ZNF726: variants seen among roughly 807,000 people sequenced by gnomAD.
ZNF726 encodes the protein zinc finger protein 92 pseudogene 3.
A neutral mutation model predicts 11.6 loss-of-function variants in ZNF726; 15 were observed. The observed-to-expected ratio is 1.29, with a 90% CI of 0.86 to 1.99. ZNF726 has a LOEUF of 1.99. Among genes scored for constraint, ZNF726 ranks in the 30% most tolerant of loss-of-function variants. ZNF726 has a pLI of 0.00. For synonymous variants in ZNF726, 295 were observed against 243.6 expected (o/e 1.21, Z -1.96); for missense variants, 890 against 725.6 (o/e 1.23, Z -2.60).
chr19:23,939,068 T>C (rs1228361617), downstream of ZNF726, among the ~76,000 whole-genome samples: 1 of 152,082 alleles, frequency 6.6e-6, no homozygotes, highest in African/African-American at 2.4e-5. Flanking sequence ...GATGGACCCA[T>C]CACCTGAGCA....
rs1050635984 is a variant in ZNF726 at position 23,933,895 on chromosome 19, C to T, written c.1779C>T (p.Tyr593=). 6.3e-7 allele frequency: 1 copy of T among 1,589,718 alleles called. No homozygotes were observed. Among genetic ancestry groups the T allele is most frequent in the Non-Finnish European group, 8.6e-7 (1 of 1,167,906 alleles). ...HKIIHTGEKP[Y]KCDECGKSFI... is the part of the protein sequence containing the mutation. Reference sequence around the variant, plus strand: ...TAATTCATACTGGAGAGAAACCTTACAAGTGTGACGAATGTGGCAAATCAT... The same window carrying T: ...TAATTCATACTGGAGAGAAACCTTATAAGTGTGACGAATGTGGCAAATCAT... Residue 593 remains tyrosine, a synonymous_variant, in exon 4 of 4, where the codon TAC becomes TAT. Transcript: ENST00000594466.
At chr19:23,936,473 G>A (rs1266231204), downstream of ZNF726, among the ~76,000 whole-genome samples, 1 of 148,766 alleles carries the variant, frequency 6.7e-6, no homozygotes, top group Non-Finnish European at 1.5e-5. Flanking sequence ...CATCATTCCT[G>A]GTGTATTCAC....
Position 23,930,890 on chromosome 19 carries a change from A to G in ZNF726, c.227-1453A>G, listed in dbSNP as rs75100430. Among the ~76,000 whole-genome samples the G allele has an allele frequency of 3.8e-3, 577 of 152,346 alleles. 3 individuals are homozygous for G. The highest frequency in any genetic ancestry group is 6.6e-3 in the Non-Finnish European group (449 of 68,026). ...TTCAGTTTAGTCATATTGTCTTGAC[A>G]TTGTAATGCAACATATTGCTAAAAT... On this transcript the variant is annotated intron_variant, in intron 3 of 3. Transcript: ENST00000594466.
intron 3 of ZNF726, among the ~76,000 whole-genome samples, chr19:23,929,870 A>G (rs1434992499): frequency 1.3e-5 from 2 of 152,216 alleles, no homozygotes; most frequent in African/African-American, 2.4e-5. Flanking sequence ...AAAAATTTCT[A>G]TATTTGTATA....
chr19:23,918,719 G>A (rs1315538028), intron 1 of ZNF726, among the ~76,000 whole-genome samples: 1 of 146,856 alleles, frequency 6.8e-6, no homozygotes, highest in East Asian at 2.0e-4. Flanking sequence ...ACACTTAAAT[G>A]GCAGCTGCCT....
Position 23,917,877 on chromosome 19 carries a change from C to T in ZNF726, c.4-1496C>T, listed in dbSNP as rs866579865. Among the ~76,000 whole-genome samples, 4 of 152,240 alleles carry T rather than the reference C, an allele frequency of 2.6e-5. No individual in the cohort carries two copies. The Middle Eastern group carries it at 0.01, about 388-fold the overall frequency. ...ACTAACATGGAAATTAAAGCTTAAG[C>T]TGCAGGAGGGTGCCCCTTGTAGGTT... On this transcript the variant is annotated intron_variant, in intron 1 of 3. Coordinates refer to ENST00000594466, the MANE Select transcript of ZNF726 (RefSeq NM_001244038.2).
chr19:23,941,320 G>A (rs1050340502), intron 3 of ZNF726, among the ~76,000 whole-genome samples: 1 of 152,142 alleles, frequency 6.6e-6, no homozygotes, highest in African/African-American at 2.4e-5. Context: ...TGCATCCCTG[G>A]TATGCAACCC....
chr19:23,919,312 C>G, intron 1 of ZNF726, 61 bp from the exon 2 acceptor site: 1 of 1,579,650 alleles, frequency 6.3e-7, no homozygotes, highest in Non-Finnish European at 8.6e-7. Flanking sequence ...TACCTTGAGT[C>G]AAATGAAAAA....
intron 1 of ZNF726, among the ~76,000 whole-genome samples, chr19:23,918,413 TA>T (rs1031487777): frequency 6.6e-6 from 1 of 152,136 alleles, no homozygotes; most frequent in Admixed American, 6.5e-5. Flanking sequence ...ATTAGGGTGC[TA>T]AAAAAAGGCC....
Position 23,933,710 on chromosome 19 carries a change from A to G in ZNF726, c.1594A>G (p.Thr532Ala), listed in dbSNP as rs748068559. 1 of 1,612,442 alleles carries G rather than the reference A, an allele frequency of 6.2e-7. No individual in the cohort carries two copies. The highest frequency in any genetic ancestry group is 1.3e-5 in the African/African-American group (1 of 74,914). ...CCTATCTAAACATAAGAGGATTCAC[A>G]CTGGAGAGAAACCCTACAAATGTGA... ...STLSKHKRIH[T>A]GEKPYKCEEC... is the part of the protein sequence containing the mutation. Residue 532 changes from threonine to alanine, a missense_variant, in exon 4 of 4, where the codon ACT becomes GCT. Physicochemically the swap from Thr to Ala is moderately conservative, Grantham distance 58. Coordinates refer to ENST00000594466, the MANE Select transcript of ZNF726 (RefSeq NM_001244038.2).
At chr19:23,944,432 CAT>C (rs1968386701) in intron 4 of ZNF726, 1 of 152,252 alleles carries the variant, frequency 6.6e-6, no homozygotes, top group South Asian at 2.1e-4. Context: ...GCATTTTTGT[CAT>C]ATGTGTGTTG....
At chr19:23,929,279 T>G (rs1458414303) in intron 3 of ZNF726, 1 of 152,210 alleles carries the variant, frequency 6.6e-6, no homozygotes, top group Admixed American at 6.5e-5. Flanking sequence ...AATATTATCT[T>G]CATAATCATC....
At chr19:23,944,207 T>A (rs147759475) in intron 4 of ZNF726, 10 of 152,330 alleles carry the variant, frequency 6.6e-5, no homozygotes, top group Admixed American at 2.6e-4. Context: ...ACCATTTTTC[T>A]GTTGGGTTTT....
intron 3 of ZNF726, chr19:23,920,833 A>G (rs1252309723): frequency 1.3e-5 from 2 of 149,212 alleles, no homozygotes; most frequent in Non-Finnish European, 3.0e-5. Flanking sequence ...TGTTTATTTA[A>G]TATGGCCGTT....
At chr19:23,941,288 C>CGT (rs1410074933) in intron 3 of ZNF726, among the ~76,000 whole-genome samples, 1 of 152,004 alleles carries the variant, frequency 6.6e-6, no homozygotes, top group Non-Finnish European at 1.5e-5. Context: ...CATTTGTTGA[C>CGT]GTGTGTGTGT....
chr19:23,938,788 G>A (rs1016905626), downstream of ZNF726, among the ~76,000 whole-genome samples: 1 of 151,682 alleles, frequency 6.6e-6, no homozygotes, highest in Non-Finnish European at 1.5e-5. Flanking sequence ...TGTATTTTTA[G>A]TAGAGACAGG....
At chr19:23,937,228 GCA>G (rs1968254138), downstream of ZNF726, among the ~76,000 whole-genome samples, 1 of 150,504 alleles carries the variant, frequency 6.6e-6, no homozygotes, top group African/African-American at 2.4e-5. Flanking sequence ...GGCTGGCCGG[GCA>G]GGGGGCTGAC....
intron 4 of ZNF726, chr19:23,944,067 T>C (rs1283796544): frequency 6.6e-6 from 1 of 152,258 alleles, no homozygotes; most frequent in Non-Finnish European, 1.5e-5. Context: ...TTAGCAATCC[T>C]AACTCAAGTG....
Position 23,933,371 on chromosome 19 carries a change from C to G in ZNF726, c.1255C>G (p.His419Asp). 1 of 1,612,574 alleles carries G rather than the reference C, an allele frequency of 6.2e-7. No homozygotes were observed. The highest frequency in any genetic ancestry group is 8.5e-7 in the Non-Finnish European group (1 of 1,179,722). The change falls in exon 4 of 4, where the codon CAT becomes GAT. Residue 419 changes from histidine (H) to aspartate (D), a missense_variant. His to Asp is a moderately conservative substitution (Grantham distance 81). Coordinates refer to ENST00000594466, the MANE Select transcript of ZNF726 (RefSeq NM_001244038.2). ...SSNLTKHKII[H>D]TGEKPYKCEE... ...AAATCTTACTAAACATAAGATAATT[C>G]ATACTGGAGAGAAACCTTACAAGTG...
Sources: allele counts gnomAD v4.1 joint callset (sites outside exome capture counted in the v4.1 genomes callset), GRCh38; gene constraint gnomAD v4.1.1; transcripts MANE v1.5; gene names NCBI Gene and HGNC (gene_info 2026-07-23, HGNC 2026-07-21).